STARD9: variants seen among roughly 807,000 people sequenced by gnomAD.
STARD9 encodes StAR related lipid transfer domain containing 9.
STARD9 carries 346 observed loss-of-function variants against 399.8 expected under a neutral mutation model. That is an observed-to-expected ratio of 0.87 (90% CI 0.79 to 0.95). STARD9 has a LOEUF of 0.95. Ranked by LOEUF, STARD9 falls within the 40% of genes least tolerant of loss-of-function variation. The probability of loss-of-function intolerance (pLI) is 0.00; values close to 1 mark genes in which losing one functional copy is unlikely to be tolerated. For synonymous variants in STARD9, 2,203 were observed against 2,143.5 expected, an observed-to-expected ratio of 1.03 and a Z score of -0.77; for missense variants, 5,832 against 5,667.5, an observed-to-expected ratio of 1.03 and a Z score of -0.93.
Position 42,691,605 on chromosome 15 carries a change from G to A in STARD9, c.10027G>A (p.Glu3343Lys). Residue 3343 changes from glutamate (E) to lysine (K), a missense_variant, in exon 23 of 33, where the codon GAG becomes AAG. By Grantham distance (56) the Glu-to-Lys change is moderately conservative. Around this residue, in one of 2 missense-constraint regions of STARD9, gnomAD observed 5,828 missense variants for 5,651.1 expected, o/e 1.03. Coordinates refer to ENST00000290607, the MANE Select transcript of STARD9 (RefSeq NM_020759.3). ...TCTTCAGGAGCTGAACTTGAGTGTG[G>A]AGCCTCCTTCCCCTACAGACGAAGA... The part of the protein sequence containing the change: ...RSLQELNLSV[E>K]PPSPTDEDTQ... 6.5e-7 allele frequency: 1 copy of A among 1,537,194 alleles called. No individual in the cohort carries two copies. Among genetic ancestry groups the A allele is most frequent in the South Asian group, 1.2e-5 (1 of 84,052 alleles).
At chr15:42,619,610 G>A (rs906998612) in intron 3 of STARD9, among the ~76,000 whole-genome samples, 4 of 151,962 alleles carry the variant, frequency 2.6e-5, no homozygotes, top group Admixed American at 1.3e-4. Flanking sequence ...GCAGGCACCT[G>A]TGCAGTTTAA....
At chr15:42,637,986 C>T (rs1018281710) in intron 5 of STARD9, 40 bp from the exon 6 acceptor site, 4 of 1,537,176 alleles carry the variant, frequency 2.6e-6, no homozygotes, top group Non-Finnish European at 3.5e-6. Flanking sequence ...GGTCTCTCTA[C>T]AATTCCTACA....
At chr15:42,711,918 C>T (rs1253668852) in intron 26 of STARD9, among the ~76,000 whole-genome samples, 1 of 147,004 alleles carries the variant, frequency 6.8e-6, no homozygotes, top group Non-Finnish European at 1.5e-5. Context: ...TTCCCACGAG[C>T]AGTATATGAG....
Position 42,684,190 on chromosome 15 carries a change from C to T in STARD9, c.2612C>T (p.Thr871Ile), listed in dbSNP as rs1213667241. The change falls in exon 23 of 33, where the codon ACA (threonine) becomes ATA (isoleucine). Residue 871 changes from threonine (T) to isoleucine (I), a missense_variant. Coordinates refer to ENST00000290607, the MANE Select transcript of STARD9 (RefSeq NM_020759.3). ...PDPTHQTSEKTSSEEHLPQAA... is the reference protein window; with the variant it reads ...PDPTHQTSEKISSEEHLPQAA... ...CCTACACACCAAACATCAGAGAAAA[C>T]ATCATCAGAAGAGCATTTGCCACAG... 1 of 1,537,280 alleles carries T rather than the reference C, an allele frequency of 6.5e-7. No homozygotes were observed. The highest frequency in any genetic ancestry group is 1.2e-5 in the South Asian group (1 of 84,070).
chr15:42,602,871 A>G (rs918552195), intron 3 of STARD9, among the ~76,000 whole-genome samples: 12 of 152,136 alleles, frequency 7.9e-5, no homozygotes, highest in African/African-American at 2.9e-4. Context: ...CCCTTTTGTT[A>G]CTTTTGTTAC....
At chr15:42,608,326 A>T (rs1250034022) in intron 3 of STARD9, among the ~76,000 whole-genome samples, 1 of 152,110 alleles carries the variant, frequency 6.6e-6, no homozygotes, top group South Asian at 2.1e-4. Flanking sequence ...CGTGAGGTGG[A>T]TGCTGTTCAG....
rs1226249495 is a variant in STARD9, at chr15:42,665,274, A to T, written c.1198A>T (p.Arg400Ter). 1 of 1,537,106 alleles carries T rather than the reference A, an allele frequency of 6.5e-7. No individual in the cohort carries two copies. The highest frequency in any genetic ancestry group is 1.2e-5 in the South Asian group (1 of 84,064). The change falls in exon 14 of 33, where the codon AGA becomes TGA. Residue 400 changes from arginine (R) to a stop codon, truncating the protein, a stop_gained. Transcript: ENST00000290607. LOFTEE classifies it high-confidence loss of function. Reference sequence around the variant, plus strand: ...TCAGGATGCAAACTTAAAACTGATTAGAGAACTCAGAGAAGAGATTGAAAG... The same window carrying T: ...TCAGGATGCAAACTTAAAACTGATTTGAGAACTCAGAGAAGAGATTGAAAG... ...VNEDANLKLI[R>*]ELREEIERLK...
intron 26 of STARD9, among the ~76,000 whole-genome samples, chr15:42,711,226 G>C (rs1183252967): frequency 6.7e-6 from 1 of 150,058 alleles, no homozygotes; most frequent in African/African-American, 2.5e-5. Flanking sequence ...TGCAACCTCT[G>C]CCTCCTGGGT....
intron 1 of STARD9, chr15:42,581,089 A>G (rs1001745392): frequency 4.4e-5 from 29 of 655,848 alleles, no homozygotes; most frequent in Non-Finnish European, 8.0e-5. Context: ...CACAGGTACC[A>G]GTGTTGCTGC....
intron 1 of STARD9, among the ~76,000 whole-genome samples, chr15:42,582,502 T>C (rs989475779): frequency 2.0e-5 from 3 of 152,192 alleles, no homozygotes; most frequent in African/African-American, 7.2e-5. Flanking sequence ...AACTGCAACA[T>C]AGGAAGATTC....
At chr15:42,586,768 C>T (rs2058285029) in intron 3 of STARD9, among the ~76,000 whole-genome samples, 1 of 151,732 alleles carries the variant, frequency 6.6e-6, no homozygotes, top group South Asian at 2.1e-4. Flanking sequence ...CAGTCATTGC[C>T]TAGGATTCTA....
chr15:42,718,066 A>G lies in STARD9; in HGVS notation c.13649A>G (p.Gln4550Arg). Residue 4550 changes from glutamine to arginine, a missense_variant, in exon 30 of 33, where the codon CAG becomes CGG. Physicochemically the swap from Gln to Arg is conservative, Grantham distance 43. This residue lies in a region of STARD9 where 5,828 missense variants were observed against 5,651.1 expected (regional missense o/e 1.03). Transcript: ENST00000290607. ...HGFLGAGVVS[Q>R]PLSRVWAAVS... ...TTCCTGGGGGCAGGTGTGGTGTCCCAGCCGCTGTCTCGTGTGTGGGCGGCT... is the reference window on the plus strand; with the variant it reads ...TTCCTGGGGGCAGGTGTGGTGTCCCGGCCGCTGTCTCGTGTGTGGGCGGCT... 2 of 1,537,174 alleles carry G rather than the reference A, an allele frequency of 1.3e-6. No individual in the cohort carries two copies. Among genetic ancestry groups the G allele is most frequent in the East Asian group, 4.9e-5 (2 of 40,908 alleles).
intron 3 of STARD9, among the ~76,000 whole-genome samples, chr15:42,608,663 T>C (rs1480351075): frequency 6.6e-6 from 1 of 152,198 alleles, no homozygotes; most frequent in Admixed American, 6.5e-5. Context: ...ATCTTTGACA[T>C]ATTGGACTAC....
rs1040836279 is a variant in STARD9 at position 42,694,777 on chromosome 15, G to C, written c.12962+52G>C. The C allele has an allele frequency of 1.3e-5, 18 of 1,420,660 alleles. No homozygotes were observed. In the Admixed American group the frequency reaches 3.4e-4, roughly 27 times the overall value. 88.0% of individuals were successfully genotyped at this position (1,420,660 alleles called of 1,614,324 possible). ...GAGCAGGCTCTGTTGGGGGAGGGGAGTATGGGGAGCAGGAGCTGAAGTTTT... is the reference window on the plus strand; with the variant it reads ...GAGCAGGCTCTGTTGGGGGAGGGGACTATGGGGAGCAGGAGCTGAAGTTTT... On this transcript the variant is annotated intron_variant, in intron 24 of 32. Transcript: ENST00000290607.
chr15:42,654,124 A>C (rs768755521), intron 9 of STARD9, among the ~76,000 whole-genome samples: 7 of 152,218 alleles, frequency 4.6e-5, no homozygotes, highest in Non-Finnish European at 8.8e-5. Flanking sequence ...AAAACAACAG[A>C]AATTAAAATG....
At position 42,634,114 on chromosome 15, in the gene STARD9, C is replaced by T. The variant is rs1024547864; in HGVS notation, c.235-742C>T. Among the ~76,000 whole-genome samples, 10 of 151,966 alleles carry T rather than the reference C, an allele frequency of 6.6e-5. No homozygotes were observed. The South Asian group carries it at 8.3e-4, about 13-fold the overall frequency. Reference sequence around the variant, plus strand: ...GGCAACAATACAAAGGGTAAATATCCGCTGTACCAGCTGTGGGTATGCAGA... The same window carrying T: ...GGCAACAATACAAAGGGTAAATATCTGCTGTACCAGCTGTGGGTATGCAGA... On this transcript the variant is annotated intron_variant, in intron 3 of 32. Coordinates refer to ENST00000290607, the MANE Select transcript of STARD9 (RefSeq NM_020759.3).
chr15:42,681,619 G>A lies in STARD9; in HGVS notation c.2065+7G>A. The A allele has an allele frequency of 6.5e-7, 1 of 1,533,614 alleles. No homozygotes were observed. The highest frequency in any genetic ancestry group is 8.7e-7 in the Non-Finnish European group (1 of 1,144,724). On this transcript the variant is annotated splice_region_variant and intron_variant, in intron 21 of 32. Transcript: ENST00000290607. ...AGCCAGCAGATTAAAGAAAGTAGGT[G>A]TCCACCACTTAATGTGTCTGCCTCA... is the stretch of plus-strand genomic sequence containing the variant.
Position 42,692,501 on chromosome 15 carries a change from C to G in STARD9, c.10923C>G (p.Gly3641=), listed in dbSNP as rs1050049320. ...CCAGGACGAACACATTCGAACAGGG[C>G]ACACAGACCCTCGGCAGCAGGCGCC... ...GQTRTNTFEQ[G]TQTLGSRRHW... The change falls in exon 23 of 33, where the codon GGC becomes GGG. Residue 3641 remains glycine (G), a synonymous_variant. Coordinates refer to ENST00000290607, the MANE Select transcript of STARD9 (RefSeq NM_020759.3). 5.9e-6 allele frequency: 9 copies of G among 1,537,178 alleles called. No individual in the cohort carries two copies. Among genetic ancestry groups the G allele is most frequent in the Non-Finnish European group, 7.8e-6 (9 of 1,146,912 alleles).
intron 3 of STARD9, among the ~76,000 whole-genome samples, chr15:42,611,549 G>T (rs2141813772): frequency 6.6e-6 from 1 of 152,246 alleles, no homozygotes; most frequent in African/African-American, 2.4e-5. Flanking sequence ...CCTATGACTA[G>T]ATAAAGACTC....
Sources: allele counts gnomAD v4.1 joint callset (sites outside exome capture counted in the v4.1 genomes callset), GRCh38; gene constraint gnomAD v4.1.1; regional missense constraint gnomAD v4.1.1; transcripts MANE v1.5; gene names NCBI Gene and HGNC (gene_info 2026-07-23, HGNC 2026-07-21).